Variants in TARBP1 observed in about 807,000 individuals in gnomAD.
TARBP1 encodes the protein tRNA guanosine 2 -O-methyltransferase TARBP1, also known as tRNA (guanosine(18)-2'-O)-methyltransferase TARBP1.
TARBP1 carries 144 observed loss-of-function variants against 178.6 expected under a neutral mutation model. The ratio of observed to expected loss-of-function variants is 0.81; its 90% CI spans 0.70 to 0.93. The LOEUF (loss-of-function observed/expected upper bound fraction) is 0.93. TARBP1 is among the 40% of genes least tolerant of loss of function. The pLI is 0.00. For missense variants in TARBP1, 2,067 were observed against 2,011.7 expected (o/e 1.03, Z -0.53); for synonymous variants, 787 against 781.0 (o/e 1.01, Z -0.13).
At chr1:234,396,762 C>T (rs1431271102) in intron 26 of TARBP1, among the ~76,000 whole-genome samples, 2 of 151,340 alleles carry the variant, frequency 1.3e-5, no homozygotes, top group African/African-American at 4.9e-5. Context: ...CATAATTGGC[C>T]TTTAAAAAAA....
At chr1:234,422,837 C>T (rs1021294740) in intron 20 of TARBP1, among the ~76,000 whole-genome samples, 2 of 152,284 alleles carry the variant, frequency 1.3e-5, no homozygotes, top group East Asian at 1.9e-4. Flanking sequence ...ATCAAAATAT[C>T]TCATACACCC....
intron 3 of TARBP1, among the ~76,000 whole-genome samples, chr1:234,470,332 G>A (rs936816024): frequency 7.4e-4 from 113 of 152,070 alleles, no homozygotes; most frequent in African/African-American, 2.4e-3. Context: ...AAACCCTATC[G>A]ACGAGTCCTT....
chr1:234,440,688 G>A (rs1665502305), intron 12 of TARBP1, among the ~76,000 whole-genome samples: 1 of 152,102 alleles, frequency 6.6e-6, no homozygotes, highest in Admixed American at 6.5e-5. Flanking sequence ...CTTCAGCAAG[G>A]TTACAGGATA....
rs1456232140 is a variant in TARBP1, at chr1:234,398,450, A to C, written c.4175T>G (p.Phe1392Cys). The C allele has an allele frequency of 2.5e-6, 4 of 1,612,060 alleles. No homozygotes were observed. The highest frequency in any genetic ancestry group is 3.4e-6 in the Non-Finnish European group (4 of 1,178,690). The change falls in exon 26 of 30, where the codon TTT (phenylalanine) becomes TGT (cysteine). Residue 1392 changes from phenylalanine to cysteine, a missense_variant. Transcript: ENST00000040877. ...RFTDVPLAAG[F>C]QWYLSQTQLS... ...TTGAGTTTGAGAAAGGTACCACTGA[A>C]ATCCCGCAGCTAAAGGAACATCAGT...
intron 21 of TARBP1, among the ~76,000 whole-genome samples, chr1:234,419,631 C>T (rs146656978): frequency 6.6e-6 from 1 of 152,258 alleles, no homozygotes; most frequent in African/African-American, 2.4e-5. Flanking sequence ...CTAGGAGACC[C>T]TCTCCATTCT....
At chr1:234,434,195 G>A (rs1219021815) in intron 13 of TARBP1, among the ~76,000 whole-genome samples, 1 of 152,200 alleles carries the variant, frequency 6.6e-6, no homozygotes, top group African/African-American at 2.4e-5. Flanking sequence ...CCATAATTGT[G>A]CTGAATGCAG....
At chr1:234,419,188 AAAAATAAAAT>A (rs201805464) in intron 21 of TARBP1, among the ~76,000 whole-genome samples, 13 of 152,164 alleles carry the variant, frequency 8.5e-5, no homozygotes, top group African/African-American at 3.1e-4. Flanking sequence ...AAATAAAAAT[AAAAATAAAAT>A]AAAATAAAAT....
At chr1:234,432,114 A>G (rs1385919598) in intron 14 of TARBP1, among the ~76,000 whole-genome samples, 2 of 146,304 alleles carry the variant, frequency 1.4e-5, no homozygotes, top group African/African-American at 5.1e-5. Context: ...CAGACTTGGC[A>G]AAAGAGCGAA....
rs758201481 is a variant in TARBP1, at chr1:234,429,592, G to A, written c.2695C>T (p.Leu899=). The change falls in exon 16 of 30, where the codon CTG becomes TTG. Residue 899 remains leucine, a synonymous_variant. Transcript: ENST00000040877. ...IHDQWVCLSF[L]LKKYHTLIPT... is the part of the protein sequence containing the mutation. ...ATAAGGGTGTGATATTTTTTCAACAGGAAAGAGAGGCACACCCATTGATCA... is the reference window on the plus strand; with the variant it reads ...ATAAGGGTGTGATATTTTTTCAACAAGAAAGAGAGGCACACCCATTGATCA... 5 of 1,613,832 alleles carry A rather than the reference G, an allele frequency of 3.1e-6. No homozygotes were observed. The highest frequency in any genetic ancestry group is 1.1e-5 in the South Asian group (1 of 91,068).
Position 234,479,113 on chromosome 1 carries a change from GCCCGCGCCACCGGCCCGGGCTCCC to G in TARBP1, c.-34_-11del. 1 of 1,525,016 alleles carries G rather than the reference GCCCGCGCCACCGGCCCGGGCTCCC, an allele frequency of 6.6e-7. No homozygotes were observed. The highest frequency in any genetic ancestry group is 8.7e-7 in the Non-Finnish European group (1 of 1,149,982). 94.5% of individuals were successfully genotyped at this position (1,525,016 alleles called of 1,614,324 possible). A position where few individuals can be genotyped will look rare whatever the true frequency, so the allele number is the denominator to read the frequency against. ...CGAGCACCCACTCCATTTGCCGAGC[GCCCGCGCCACCGGCCCGGGCTCCC>G]AAAGGAAGGCGCCGGCGTGTGCGAT... On this transcript the variant is annotated 5_prime_UTR_variant, in exon 1 of 30. Coordinates refer to ENST00000040877, the MANE Select transcript of TARBP1 (RefSeq NM_005646.4).
chr1:234,410,413 A>G (rs946345584), intron 23 of TARBP1, 32 bp downstream of exon 23: 5 of 1,253,204 alleles, frequency 4.0e-6, no homozygotes, highest in Non-Finnish European at 5.7e-6. Flanking sequence ...CTTTTTTTAC[A>G]GTCAAGTTTA....
chr1:234,421,446 G>A (rs567358047), intron 20 of TARBP1, among the ~76,000 whole-genome samples: 14 of 152,264 alleles, frequency 9.2e-5, no homozygotes, highest in South Asian at 8.3e-4. Context: ...TTCCAGGGGC[G>A]AAAAGAGATT....
intron 28 of TARBP1, among the ~76,000 whole-genome samples, chr1:234,392,881 T>A (rs1659536772): frequency 1.3e-5 from 2 of 152,066 alleles, no homozygotes; most frequent in South Asian, 4.1e-4. Flanking sequence ...CGGCTAATTT[T>A]TTTTTATTTT....
intron 3 of TARBP1, among the ~76,000 whole-genome samples, chr1:234,469,199 A>G (rs931883440): frequency 6.6e-6 from 1 of 151,572 alleles, no homozygotes; most frequent in African/African-American, 2.4e-5. Context: ...AAACCATGGA[A>G]TAAATAAATA....
At chr1:234,448,638 T>C in intron 10 of TARBP1, 59 bp from the exon 11 acceptor site, 1 of 1,377,524 alleles carries the variant, frequency 7.3e-7, no homozygotes. Context: ...AGGATGATGC[T>C]TCAAAAAAAC....
chr1:234,448,823 C>A (rs270525), intron 10 of TARBP1, among the ~76,000 whole-genome samples: 81,898 of 151,984 alleles, frequency 0.54, 23,127 homozygotes, highest in African/African-American at 0.71. Context: ...TGCTGCAGAC[C>A]CAGTGTTTCC....
Position 234,443,032 on chromosome 1 carries a change from T to C in TARBP1, c.2134+3771A>G, listed in dbSNP as rs1429338685. ...GGGGCTGGGCACAATGGCTCATGCC[T>C]GTAATCCTAGCACTTTGGGAGGTCG... On this transcript the variant is annotated intron_variant, in intron 12 of 29. Transcript: ENST00000040877. 2.0e-5 allele frequency among the ~76,000 whole-genome samples: 3 copies of C among 152,178 alleles called. No homozygotes were observed. The East Asian group carries it at 5.8e-4, about 29-fold the overall frequency.
intron 29 of TARBP1, 83 bp downstream of exon 29, chr1:234,392,333 C>G: frequency 1.3e-6 from 2 of 1,539,490 alleles, no homozygotes; most frequent in Non-Finnish European, 1.8e-6. Context: ...GAGACTCCGT[C>G]TCAAAAACAA....
chr1:234,430,116 G>A lies in TARBP1; in HGVS notation c.2580C>T (p.Ser860=). ...TLQKPHAEEQ[S]SYAHPLECSS... is the part of the protein sequence containing the mutation. ...TGCACTCCAAGGGGTGAGCATAACT[G>A]CTCTGCTCCTCTGCGTGGGGCTTCT... The change falls in exon 15 of 30, where the codon AGC becomes AGT. Residue 860 remains serine, a synonymous_variant. Transcript: ENST00000040877. The A allele has an allele frequency of 6.2e-7, 1 of 1,614,108 alleles. No homozygotes were observed. The highest frequency in any genetic ancestry group is 8.5e-7 in the Non-Finnish European group (1 of 1,179,964).
Sources: allele counts gnomAD v4.1 joint callset (sites outside exome capture counted in the v4.1 genomes callset), GRCh38; gene constraint gnomAD v4.1.1; transcripts MANE v1.5; gene names NCBI Gene and HGNC (gene_info 2026-07-23, HGNC 2026-07-21).